Variants in ZNF324B observed in about 807,000 individuals in gnomAD.
The protein encoded by ZNF324B is zinc finger protein 324B.
A neutral mutation model predicts 10.6 loss-of-function variants in ZNF324B; 7 were observed. The observed-to-expected ratio is 0.66, with a 90% CI of 0.38 to 1.24. ZNF324B has a LOEUF of 1.24. Ranked by LOEUF, ZNF324B falls within the 50% of genes most tolerant of loss-of-function variation. The pLI, the probability that ZNF324B is intolerant of heterozygous loss-of-function variation, is 0.02. For missense variants in ZNF324B, 640 were observed against 764.7 expected, an observed-to-expected ratio of 0.84 and a Z score of 1.92; for synonymous variants, 316 against 321.0, an observed-to-expected ratio of 0.98 and a Z score of 0.17.
chr19:58,418,562 CA>C, the ZNF324B span: 1 of 152,014 alleles, frequency 6.6e-6, no homozygotes, highest in Non-Finnish European at 1.5e-5. Context: ...CTCTGAGCCT[CA>C]AGCTATCCTC....
the ZNF324B span, chr19:58,437,224 G>T: frequency 2.5e-6 from 4 of 1,577,282 alleles, no homozygotes; most frequent in Non-Finnish European, 2.6e-6. Flanking sequence ...TGCTGACAAA[G>T]AAACAAACAA....
the ZNF324B span, among the ~76,000 whole-genome samples, chr19:58,420,020 G>A: frequency 6.6e-6 from 1 of 152,196 alleles, no homozygotes. Context: ...GGTGGTCGAT[G>A]CATGTAATCC....
At chr19:58,434,852 C>T in the ZNF324B span, 1 of 1,614,136 alleles carries the variant, frequency 6.2e-7, no homozygotes, top group Admixed American at 1.7e-5. Flanking sequence ...ATGACCTTCC[C>T]ACCTTCCCTG....
chr19:58,434,555 C>A, the ZNF324B span: 2 of 1,614,040 alleles, frequency 1.2e-6, no homozygotes, highest in African/African-American at 1.3e-5. Context: ...AAGGCCTTCC[C>A]ACACTCCTTA....
At chr19:58,453,860 G>A (rs1432344528) in intron 2 of ZNF324B, 38 bp downstream of exon 2, 2 of 1,598,134 alleles carry the variant, frequency 1.3e-6, no homozygotes. Flanking sequence ...TGCACTTGGT[G>A]ACAATCAGGA....
chr19:58,433,803 C>G, the ZNF324B span: 1 of 1,613,932 alleles, frequency 6.2e-7, no homozygotes, highest in Non-Finnish European at 8.5e-7. Flanking sequence ...CTTTCCCACA[C>G]TCACTACACT....
At position 58,456,378 on chromosome 19, in the gene ZNF324B, G is replaced by T; in HGVS notation, c.1434G>T (p.Glu478Asp). ...LLSHRRIHTG[E>D]KPFVCTQCGR... The stretch of plus-strand genomic sequence containing the variant: ...GCCACCGGCGCATTCACACGGGCGA[G>T]AAGCCCTTCGTGTGCACGCAGTGTG... Residue 478 changes from glutamate (E) to aspartate (D), a missense_variant, in exon 4 of 4, where the codon GAG (glutamate) becomes GAT (aspartate). By Grantham distance (45) the Glu-to-Asp change is conservative (BLOSUM62 2). Around this residue, in one of 3 missense-constraint regions of ZNF324B, gnomAD observed 238 missense variants for 258.0 expected, o/e 0.92. Coordinates refer to ENST00000336614, the MANE Select transcript of ZNF324B (RefSeq NM_207395.3). This position sits in a 1 kb window ranked among gnomAD's most constrained non-coding sequence, Gnocchi z 4.7. 1 of 1,613,020 alleles carries T rather than the reference G, an allele frequency of 6.2e-7. No individual in the cohort carries two copies. The highest frequency in any genetic ancestry group is 8.5e-7 in the Non-Finnish European group (1 of 1,180,030).
At chr19:58,453,046 G>C (rs1313274620) in intron 1 of ZNF324B, 1 of 152,268 alleles carries the variant, frequency 6.6e-6, no homozygotes, top group Non-Finnish European at 1.5e-5. Context: ...CTGCACTCCA[G>C]CCTGGGTGAC....
At position 58,455,951 on chromosome 19, in the gene ZNF324B, C is replaced by T; in HGVS notation, c.1007C>T (p.Thr336Met). 6.3e-7 allele frequency: 1 copy of T among 1,593,986 alleles called. No individual in the cohort carries two copies. Among genetic ancestry groups the T allele is most frequent in the Non-Finnish European group, 8.6e-7 (1 of 1,167,922 alleles). Residue 336 changes from threonine (T) to methionine (M), a missense_variant, in exon 4 of 4, where the codon ACG becomes ATG. Transcript: ENST00000336614. The surrounding 1 kb of genome is among the most constrained non-coding windows in gnomAD (Gnocchi z 7.0). ...CTGGTGCGGCACCAGCGCATCCACA[C>T]GGCCGAGAAGTCCTTCCGCTGCTCC... ...SSLVRHQRIHTAEKSFRCSEC... is the reference protein window; with the variant it reads ...SSLVRHQRIHMAEKSFRCSEC...
chr19:58,442,939 G>T, the ZNF324B span: 6 of 152,270 alleles, frequency 3.9e-5, no homozygotes, highest in African/African-American at 1.4e-4. Context: ...GCTGGCTTGG[G>T]TGGCCAGCTT....
the ZNF324B span, among the ~76,000 whole-genome samples, chr19:58,427,452 C>CCCTCCCTTCCTT: frequency 2.1e-5 from 1 of 47,066 alleles, no homozygotes; most frequent in African/African-American, 1.4e-4. Context: ...CCTTTCCTTT[C>CCCTCCCTTCCTT]CCTTCCTTCC....
Position 58,456,950 on chromosome 19 carries a change from G to T in ZNF324B, c.*371G>T. On this transcript the variant is annotated 3_prime_UTR_variant, in exon 4 of 4. Coordinates refer to ENST00000336614, the MANE Select transcript of ZNF324B (RefSeq NM_207395.3). The surrounding 1 kb of genome is among the most constrained non-coding windows in gnomAD (Gnocchi z 4.7). ...TGAGGTGAGGGGGATGCGGACATGG[G>T]GTAGGATGACCTAGAGAAACTTATG... 1 of 294,536 alleles carries T rather than the reference G, an allele frequency of 3.4e-6. No individual in the cohort carries two copies. The highest frequency in any genetic ancestry group is 6.0e-5 in the South Asian group (1 of 16,606). The allele number at this position is 294,536 out of a possible 1,614,324, so 18.2% of individuals were successfully genotyped here.
chr19:58,444,872 G>C, the ZNF324B span: 1 of 152,992 alleles, frequency 6.5e-6, no homozygotes, highest in East Asian at 1.9e-4. Flanking sequence ...TAGTAACATG[G>C]GGAATCCTCC....
At chr19:58,424,805 T>C in the ZNF324B span, among the ~76,000 whole-genome samples, 1 of 151,288 alleles carries the variant, frequency 6.6e-6, no homozygotes, top group African/African-American at 2.4e-5. Flanking sequence ...TGTCTCAAAA[T>C]AAAAACAAAA....
At chr19:58,434,115 G>T in the ZNF324B span, 1 of 1,613,764 alleles carries the variant, frequency 6.2e-7, no homozygotes, top group Non-Finnish European at 8.5e-7. Flanking sequence ...CAAGGTTGGA[G>T]TTATTGTTAA....
At chr19:58,450,374 A>G (rs1033673862), upstream of ZNF324B, among the ~76,000 whole-genome samples, 1 of 151,084 alleles carries the variant, frequency 6.6e-6, no homozygotes, top group Non-Finnish European at 1.5e-5. Flanking sequence ...CTGAAGTTGG[A>G]GGACTGTTTG....
the ZNF324B span, among the ~76,000 whole-genome samples, chr19:58,432,624 A>G: frequency 1.3e-5 from 2 of 152,220 alleles, no homozygotes; most frequent in South Asian, 2.1e-4. Context: ...ACAGGCCACT[A>G]TGTTCAATCC....
the ZNF324B span, chr19:58,436,268 A>C: frequency 6.5e-6 from 1 of 154,234 alleles, no homozygotes; most frequent in Admixed American, 6.5e-5. Flanking sequence ...CTAAAATTAC[A>C]TTATAGCAAT....
the ZNF324B span, chr19:58,433,655 T>C: frequency 1.2e-6 from 2 of 1,614,178 alleles, no homozygotes; most frequent in Middle Eastern, 1.6e-4. Flanking sequence ...TTATAAGGCT[T>C]TTCTCCAGTA....
Sources: allele counts gnomAD v4.1 joint callset (sites outside exome capture counted in the v4.1 genomes callset), GRCh38; gene constraint gnomAD v4.1.1; regional missense constraint gnomAD v4.1.1; non-coding constraint Gnocchi (gnomAD v3.1); transcripts MANE v1.5; gene names NCBI Gene and HGNC (gene_info 2026-07-23, HGNC 2026-07-21).